PHACTR1: variants seen among roughly 807,000 people sequenced by gnomAD.
The protein encoded by PHACTR1 is phosphatase and actin regulator 1, also known as RPEL repeat containing 1.
In PHACTR1, 16 loss-of-function variants were observed where a neutral mutation model predicts 69.2. The observed-to-expected ratio is 0.23, with a 90% confidence interval of 0.16 to 0.35. The LOEUF is 0.35. Among genes scored for constraint, PHACTR1 ranks in the 10% least tolerant of loss-of-function variants. PHACTR1 has a pLI of 1.00. For missense variants in PHACTR1, 510 were observed against 734.7 expected (o/e 0.69, Z 3.54); for synonymous variants, 312 against 284.5 (o/e 1.10, Z -0.97).
intron 4 of PHACTR1, among the ~76,000 whole-genome samples, chr6:13,022,666 TAA>T (rs201078402): frequency 9.2e-5 from 13 of 141,906 alleles, no homozygotes; most frequent in South Asian, 2.3e-4. Context: ...TCTCTGGCCT[TAA>T]AAAAAAAAAA....
chr6:13,149,943 AT>A, intron 5 of PHACTR1, among the ~76,000 whole-genome samples: 1 of 151,896 alleles, frequency 6.6e-6, no homozygotes, highest in Non-Finnish European at 1.5e-5. Context: ...GACATCCCTG[AT>A]TTAGATAGAA....
At chr6:12,836,572 C>T (rs1395233053) in intron 4 of PHACTR1, among the ~76,000 whole-genome samples, 1 of 152,230 alleles carries the variant, frequency 6.6e-6, no homozygotes, top group East Asian at 1.9e-4. Context: ...ATCATTGAAA[C>T]TGTCCCTGTA....
At chr6:12,958,967 A>G (rs1291948251) in intron 4 of PHACTR1, among the ~76,000 whole-genome samples, 1 of 152,182 alleles carries the variant, frequency 6.6e-6, no homozygotes, top group Non-Finnish European at 1.5e-5. Context: ...ACTTGAGGTC[A>G]GGAGTTCAAG....
At chr6:13,166,314 G>C (rs1759805007) in intron 6 of PHACTR1, among the ~76,000 whole-genome samples, 1 of 152,096 alleles carries the variant, frequency 6.6e-6, no homozygotes, top group Admixed American at 6.6e-5. Context: ...TCAGACGCCT[G>C]TAAATTATGT....
chr6:13,125,979 T>C (rs568368232), intron 5 of PHACTR1, among the ~76,000 whole-genome samples: 4 of 152,170 alleles, frequency 2.6e-5, no homozygotes, highest in Non-Finnish European at 5.9e-5. Flanking sequence ...ATGCCTTTTG[T>C]ATGAAGATAT....
intron 4 of PHACTR1, among the ~76,000 whole-genome samples, chr6:12,752,543 TAA>T (rs745507813): frequency 2.0e-5 from 3 of 152,242 alleles, no homozygotes; most frequent in Non-Finnish European, 4.4e-5. Flanking sequence ...TAATTATACA[TAA>T]ACCCATGTTT....
At chr6:12,734,069 T>A (rs1338751101) in intron 3 of PHACTR1, among the ~76,000 whole-genome samples, 5 of 152,166 alleles carry the variant, frequency 3.3e-5, no homozygotes, top group Admixed American at 2.6e-4. Flanking sequence ...CCCCAGCCCC[T>A]CTGCACAGTG....
intron 4 of PHACTR1, among the ~76,000 whole-genome samples, chr6:12,802,341 A>G (rs1292979906): frequency 6.6e-6 from 1 of 152,102 alleles, no homozygotes; most frequent in Non-Finnish European, 1.5e-5. Context: ...AACGTAAAAG[A>G]AAAAGGAACA....
chr6:13,115,907 C>T (rs1049428888), intron 5 of PHACTR1, among the ~76,000 whole-genome samples: 13 of 152,210 alleles, frequency 8.5e-5, no homozygotes, highest in South Asian at 2.1e-4. Context: ...ACAGCAGGTG[C>T]GTAGGGGATT....
At chr6:13,162,903 C>G (rs1483125972) in intron 6 of PHACTR1, among the ~76,000 whole-genome samples, 2 of 152,144 alleles carry the variant, frequency 1.3e-5, no homozygotes, top group Admixed American at 6.5e-5. Flanking sequence ...GTCACACTTG[C>G]TTCTTTCTCC....
At chr6:13,136,390 C>T (rs141826291) in intron 5 of PHACTR1, among the ~76,000 whole-genome samples, 5 of 152,352 alleles carry the variant, frequency 3.3e-5, no homozygotes, top group African/African-American at 1.2e-4. Flanking sequence ...CCTCACCTCT[C>T]TCAGCCTTCA....
At chr6:12,965,145 G>A (rs1793281580) in intron 4 of PHACTR1, among the ~76,000 whole-genome samples, 1 of 152,146 alleles carries the variant, frequency 6.6e-6, no homozygotes, top group Admixed American at 6.5e-5. Context: ...TTACATTTGT[G>A]TTATTTTTAC....
intron 8 of PHACTR1, among the ~76,000 whole-genome samples, chr6:13,223,278 C>T (rs1768976349): frequency 6.6e-6 from 1 of 152,142 alleles, no homozygotes; most frequent in African/African-American, 2.4e-5. Context: ...CAGATCAGGG[C>T]ACAGAAAATT....
intron 5 of PHACTR1, among the ~76,000 whole-genome samples, chr6:13,159,311 C>T: frequency 1.3e-5 from 2 of 152,296 alleles, no homozygotes; most frequent in African/African-American, 4.8e-5. Flanking sequence ...GGAAGCCACC[C>T]CTACCTTTAG....
intron 4 of PHACTR1, among the ~76,000 whole-genome samples, chr6:12,865,458 G>T (rs1225367943): frequency 2.2e-4 from 6 of 27,588 alleles, no homozygotes; most frequent in Non-Finnish European, 2.5e-4. Context: ...TGTTTAATGG[G>T]TGTGTGTGTG....
Position 12,866,521 on chromosome 6 carries a change from AT to A in PHACTR1, c.250+116742del, listed in dbSNP as rs372920940. 4.9e-3 allele frequency among the ~76,000 whole-genome samples: 720 copies of A among 146,584 alleles called. 7 individuals are homozygous for A. The highest frequency in any genetic ancestry group is 0.014 in the African/African-American group (571 of 40,208). On this transcript the variant is annotated intron_variant, in intron 4 of 14. Coordinates refer to ENST00000332995, the MANE Select transcript of PHACTR1 (RefSeq NM_030948.6). The stretch of plus-strand genomic sequence containing the variant: ...TTTCCCCCTGCACCCCAGGACTGCT[AT>A]TTTTTTTTTTATGTCAGAAAGAATT...
chr6:12,923,944 G>C (rs1478877864), intron 4 of PHACTR1, among the ~76,000 whole-genome samples: 1 of 152,184 alleles, frequency 6.6e-6, no homozygotes, highest in Admixed American at 6.5e-5. Context: ...CACCATAAAG[G>C]TGGAGGTTTG....
intron 4 of PHACTR1, among the ~76,000 whole-genome samples, chr6:12,791,593 G>A (rs1004438749): frequency 6.6e-6 from 1 of 152,176 alleles, no homozygotes; most frequent in African/African-American, 2.4e-5. Flanking sequence ...CTGGCAGGCT[G>A]GCTTTGAAGC....
intron 5 of PHACTR1, among the ~76,000 whole-genome samples, chr6:13,131,333 A>G (rs1198888780): frequency 6.6e-6 from 1 of 152,036 alleles, no homozygotes; most frequent in African/African-American, 2.4e-5. Flanking sequence ...ATTCTAAGTG[A>G]AGTAACTCAG....
Sources: gnomAD v4.1 joint callset for allele counts (sites outside exome capture counted in the v4.1 genomes callset) on GRCh38, gnomAD v4.1.1 for gene constraint, MANE v1.5 for transcripts, NCBI Gene and HGNC (gene_info 2026-07-23, HGNC 2026-07-21) for gene names.